HIP1: variants seen among roughly 807,000 people sequenced by gnomAD.
HIP1 encodes huntingtin interacting protein 1, also known as huntingtin-interacting protein 1.
A neutral mutation model predicts 147.6 loss-of-function variants in HIP1; 65 were observed. The observed-to-expected ratio is 0.44, with a 90% CI of 0.36 to 0.54. The LOEUF (loss-of-function observed/expected upper bound fraction) is 0.54. HIP1 is among the 20% of genes least tolerant of loss of function. The probability of loss-of-function intolerance (pLI) is 0.00; values close to 1 mark genes in which losing one functional copy is unlikely to be tolerated. For missense variants in HIP1, 1,061 were observed against 1,299.6 expected (o/e 0.82, Z 2.82); for synonymous variants, 479 against 504.0 (o/e 0.95, Z 0.67).
At chr7:75,628,116 C>T (rs1798103135) in intron 1 of HIP1, among the ~76,000 whole-genome samples, 1 of 152,114 alleles carries the variant, frequency 6.6e-6, no homozygotes. Flanking sequence ...GATCATTTAC[C>T]ACCTTCCAAC....
In HIP1 at chr7:75,556,091, C is replaced by G. The variant is rs781969172; in HGVS notation, c.1762G>C (p.Glu588Gln). Residue 588 changes from glutamate (E) to glutamine (Q), a missense_variant, in exon 18 of 31, where the codon GAG (glutamate) becomes CAG (glutamine). By Grantham distance (29) the Glu-to-Gln change is conservative. This residue lies in a region of HIP1 where 810 missense variants were observed against 946.8 expected (regional missense o/e 0.86). Transcript: ENST00000336926. The part of the protein sequence containing the change: ...DSLVSGAAHR[E>Q]EELSALRKEL... Reference sequence around the variant, plus strand: ...TTCCGAAGAGCAGATAATTCCTCCTCCCTATGAGCTGCGCCACTCACCAGG... The same window carrying G: ...TTCCGAAGAGCAGATAATTCCTCCTGCCTATGAGCTGCGCCACTCACCAGG... 2.2e-5 allele frequency: 35 copies of G among 1,614,100 alleles called. No homozygotes were observed. The highest frequency in any genetic ancestry group is 2.9e-5 in the Non-Finnish European group (34 of 1,180,040).
intron 1 of HIP1, among the ~76,000 whole-genome samples, chr7:75,604,401 T>C (rs807872): frequency 0.63 from 95,618 of 152,032 alleles, 32,124 homozygotes; most frequent in African/African-American, 0.87. Context: ...GGGCTGGATG[T>C]GGTGGCTCAT....
At chr7:75,613,201 G>A (rs1284223748) in intron 1 of HIP1, among the ~76,000 whole-genome samples, 4 of 152,158 alleles carry the variant, frequency 2.6e-5, no homozygotes, top group Admixed American at 1.3e-4. Context: ...CAGGTTAACA[G>A]CTGGGACCTA....
At chr7:75,680,767 G>A (rs1023095343) in intron 1 of HIP1, among the ~76,000 whole-genome samples, 4 of 150,220 alleles carry the variant, frequency 2.7e-5, no homozygotes, top group Admixed American at 6.7e-5. Flanking sequence ...GTGCCACCAC[G>A]CCCGGCTAAA....
rs1311887796 is a variant in HIP1 at position 75,595,515 on chromosome 7, G to GT, written c.185-3002dup. Among the ~76,000 whole-genome samples the GT allele has an allele frequency of 5.6e-4, 85 of 151,050 alleles. 1 individual carries two copies. The highest frequency in any genetic ancestry group is 3.4e-3 in the Middle Eastern group (1 of 292). On this transcript the variant is annotated intron_variant, in intron 2 of 30. Transcript: ENST00000336926. The stretch of plus-strand genomic sequence containing the variant: ...CCGCCACCATGCCCGGCTAATTTTT[G>GT]TTTTTTTTAGTAGAGACGGGGTTTC...
At chr7:75,663,625 T>C (rs1317328464) in intron 1 of HIP1, among the ~76,000 whole-genome samples, 2 of 151,452 alleles carry the variant, frequency 1.3e-5, no homozygotes, top group African/African-American at 2.4e-5. Flanking sequence ...GAGACTGGGA[T>C]CAGTGAAGAG....
rs587738671 is a variant in HIP1 at position 75,581,429 on chromosome 7, A to C, written c.543-131T>G. On this transcript the variant is annotated intron_variant, in intron 6 of 30. Coordinates refer to ENST00000336926, the MANE Select transcript of HIP1 (RefSeq NM_005338.7). ...CATGCGCAAACACACACACAACTCCAGCTCCAAGTCTTAGCCTTGTGGGTA... is the reference window on the plus strand; with the variant it reads ...CATGCGCAAACACACACACAACTCCCGCTCCAAGTCTTAGCCTTGTGGGTA... 187 of 673,420 alleles carry C rather than the reference A, an allele frequency of 2.8e-4. 2 individuals carry two copies. In the African/African-American group the frequency reaches 3.1e-3, roughly 11 times the overall value. The allele number at this position is 673,420 out of a possible 1,614,324, so 41.7% of individuals were successfully genotyped here.
intron 1 of HIP1, among the ~76,000 whole-genome samples, chr7:75,718,673 C>G (rs117118887): frequency 0.049 from 7,486 of 152,202 alleles, 228 homozygotes; most frequent in Non-Finnish European, 0.076. Context: ...TGTCTGCATC[C>G]CTCATCATTT....
At chr7:75,611,957 C>G in intron 1 of HIP1, 1 of 823,826 alleles carries the variant, frequency 1.2e-6, no homozygotes, top group Non-Finnish European at 1.5e-6. Flanking sequence ...CAATGGGAAA[C>G]CCTCTGGCCT....
chr7:75,713,638 AG>A (rs1801223281), intron 1 of HIP1, among the ~76,000 whole-genome samples: 1 of 151,852 alleles, frequency 6.6e-6, no homozygotes, highest in African/African-American at 2.4e-5. Flanking sequence ...CAGGGATGAA[AG>A]GCCTGGTGGG....
intron 21 of HIP1, 137 bp downstream of exon 21, chr7:75,553,976 C>T (rs1348973335): frequency 3.2e-6 from 2 of 632,408 alleles, no homozygotes; most frequent in Non-Finnish European, 5.6e-6. Context: ...AACTCCCGAC[C>T]TCAAGTGATC....
intron 1 of HIP1, among the ~76,000 whole-genome samples, chr7:75,703,691 C>G (rs1226346057): frequency 6.6e-6 from 1 of 151,884 alleles, no homozygotes; most frequent in Non-Finnish European, 1.5e-5. Flanking sequence ...CCTCCAAGTA[C>G]CAGAAGGCCA....
chr7:75,621,033 C>T (rs1469726564), intron 1 of HIP1, among the ~76,000 whole-genome samples: 1 of 152,012 alleles, frequency 6.6e-6, no homozygotes, highest in Admixed American at 6.6e-5. Flanking sequence ...AGCTTGAGAA[C>T]AGTCAGGGTG....
chr7:75,540,671 A>C (rs55935124), intron 29 of HIP1, among the ~76,000 whole-genome samples: 4,798 of 152,170 alleles, frequency 0.032, 264 homozygotes, highest in African/African-American at 0.11. Flanking sequence ...TTCCAATTTG[A>C]AATTCACCCC....
At chr7:75,655,033 G>A (rs1799105328) in intron 1 of HIP1, among the ~76,000 whole-genome samples, 1 of 152,178 alleles carries the variant, frequency 6.6e-6, no homozygotes, top group South Asian at 2.1e-4. Context: ...ACCCAGCAAT[G>A]CCACTCCTGG....
intron 1 of HIP1, among the ~76,000 whole-genome samples, chr7:75,734,289 T>A (rs1275854566): frequency 7.0e-6 from 1 of 142,138 alleles, no homozygotes. Flanking sequence ...AATAAATAAA[T>A]TTTAAAGATC....
rs1046612656 is a variant in HIP1, at chr7:75,712,473, G to C, written c.120+26328C>G. Among the ~76,000 whole-genome samples, 4 of 152,104 alleles carry C rather than the reference G, an allele frequency of 2.6e-5. No individual in the cohort carries two copies. In the East Asian group the frequency reaches 5.8e-4, roughly 22 times the overall value. On this transcript the variant is annotated intron_variant, in intron 1 of 30. Coordinates refer to ENST00000336926, the MANE Select transcript of HIP1 (RefSeq NM_005338.7). Reference sequence around the variant, plus strand: ...AATAGTAGGGGGAAAAATCACAAAGGGGTGTGTGTTTGGTCTGAACGTTTC... The same window carrying C: ...AATAGTAGGGGGAAAAATCACAAAGCGGTGTGTGTTTGGTCTGAACGTTTC...
intron 1 of HIP1, among the ~76,000 whole-genome samples, chr7:75,664,305 T>C (rs1799466755): frequency 2.1e-5 from 3 of 144,568 alleles, no homozygotes; most frequent in African/African-American, 5.1e-5. Flanking sequence ...TGTATATATG[T>C]ATGTATATGT....
At chr7:75,545,590 C>T (rs190114834) in intron 25 of HIP1, among the ~76,000 whole-genome samples, 210 of 151,696 alleles carry the variant, frequency 1.4e-3, no homozygotes, top group African/African-American at 4.7e-3. Flanking sequence ...TGCAGTGAGC[C>T]GAGATCGCGT....
Sources: gnomAD v4.1 joint callset for allele counts (sites outside exome capture counted in the v4.1 genomes callset) on GRCh38, gnomAD v4.1.1 for gene constraint, gnomAD v4.1.1 regional missense constraint, MANE v1.5 for transcripts, NCBI Gene and HGNC (gene_info 2026-07-23, HGNC 2026-07-21) for gene names.